The following DPP10 variants were observed in gnomAD, a reference collection of about 807,000 sequenced individuals.
DPP10 encodes inactive dipeptidyl peptidase 10.
DPP10 carries 33 observed loss-of-function variants against 120.9 expected under a neutral mutation model. The observed-to-expected ratio is 0.27, with a 90% CI of 0.21 to 0.37. The LOEUF (loss-of-function observed/expected upper bound fraction) is 0.37, where lower values mean the gene tolerates loss of function less well. Among genes scored for constraint, DPP10 ranks in the 10% least tolerant of loss-of-function variants. The pLI, the probability that DPP10 is intolerant of heterozygous loss-of-function variation, is 1.00. For synonymous variants in DPP10, 337 were observed against 326.1 expected, an observed-to-expected ratio of 1.03 and a Z score of -0.36; for missense variants, 816 against 942.8, an observed-to-expected ratio of 0.87 and a Z score of 1.76.
intron 1 of DPP10, among the ~76,000 whole-genome samples, chr2:115,195,729 C>T (rs114422973): frequency 6.7e-4 from 102 of 152,292 alleles, no homozygotes; most frequent in African/African-American, 2.3e-3. Flanking sequence ...GAATTCTTAA[C>T]AGCTGCCTCT....
intron 5 of DPP10, among the ~76,000 whole-genome samples, chr2:115,601,269 TA>T (rs2083303473): frequency 6.6e-6 from 1 of 152,228 alleles, no homozygotes; most frequent in South Asian, 2.1e-4. Context: ...ATCTGGACTA[TA>T]AAATGTCATT....
At chr2:115,505,343 T>C (rs7579023) in intron 4 of DPP10, among the ~76,000 whole-genome samples, 31,144 of 152,046 alleles carry the variant, frequency 0.2, 4,377 homozygotes, top group African/African-American at 0.39. Flanking sequence ...TGTTTAATTA[T>C]ATGAACTAGA....
At chr2:115,648,720 G>A (rs1355085289) in intron 5 of DPP10, among the ~76,000 whole-genome samples, 2 of 152,108 alleles carry the variant, frequency 1.3e-5, no homozygotes, top group African/African-American at 4.8e-5. Flanking sequence ...ATTATCCCAA[G>A]GGAGGAAGGA....
chr2:115,181,406 G>A (rs938817439), intron 1 of DPP10, among the ~76,000 whole-genome samples: 1 of 152,178 alleles, frequency 6.6e-6, no homozygotes. Context: ...GTTCAAGTGT[G>A]TTGTTTATCT....
chr2:114,592,522 T>C (rs996984699), intron 1 of DPP10, among the ~76,000 whole-genome samples: 5 of 152,084 alleles, frequency 3.3e-5, no homozygotes. Context: ...GTTTCCCAGT[T>C]TTGGGATTTC....
chr2:115,372,526 A>C (rs888376324), intron 3 of DPP10, among the ~76,000 whole-genome samples: 1 of 152,202 alleles, frequency 6.6e-6, no homozygotes, highest in African/African-American at 2.4e-5. Flanking sequence ...TGAGAGCTCA[A>C]CTAGATGAAA....
At chr2:115,694,142 G>T (rs976698265) in intron 7 of DPP10, among the ~76,000 whole-genome samples, 31 of 152,036 alleles carry the variant, frequency 2.0e-4, no homozygotes, top group African/African-American at 7.5e-4. Flanking sequence ...ATTTAAAAAA[G>T]TAAAAGACAT....
At chr2:115,725,592 A>G (rs2092747963) in intron 7 of DPP10, among the ~76,000 whole-genome samples, 1 of 152,192 alleles carries the variant, frequency 6.6e-6, no homozygotes, top group South Asian at 2.1e-4. Context: ...GATAATTTTT[A>G]CATCTGTTGA....
intron 19 of DPP10, among the ~76,000 whole-genome samples, chr2:115,813,538 A>G (rs1297132025): frequency 2.0e-5 from 3 of 152,200 alleles, no homozygotes; most frequent in African/African-American, 7.2e-5. Context: ...TATAGTCACA[A>G]TCTAAGCAAC....
At chr2:115,587,789 C>T (rs1350297415) in intron 5 of DPP10, among the ~76,000 whole-genome samples, 1 of 152,192 alleles carries the variant, frequency 6.6e-6, no homozygotes, top group African/African-American at 2.4e-5. Flanking sequence ...TGTTTGATCA[C>T]ATGTTGTGTC....
rs189841473 is a variant in DPP10 at position 115,380,294 on chromosome 2, T to A, written c.271+36382T>A. Among the ~76,000 whole-genome samples, 572 of 152,324 alleles carry A rather than the reference T, an allele frequency of 3.8e-3. 4 individuals are homozygous for A. The highest frequency in any genetic ancestry group is 0.012 in the African/African-American group (508 of 41,572). The stretch of plus-strand genomic sequence containing the variant: ...GCTCTTCTTGTTGAATTGATCCCTT[T>A]ACCATTATTTAATGGCCTTCTTTGT... On this transcript the variant is annotated intron_variant, in intron 3 of 25. Transcript: ENST00000410059.
chr2:115,472,774 G>C (rs997734103), intron 3 of DPP10, among the ~76,000 whole-genome samples: 5 of 152,180 alleles, frequency 3.3e-5, no homozygotes, highest in African/African-American at 1.2e-4. Context: ...AAATGCTTAT[G>C]GAATTTTGTT....
At chr2:115,769,224 T>C (rs997455127) in intron 13 of DPP10, among the ~76,000 whole-genome samples, 5 of 152,060 alleles carry the variant, frequency 3.3e-5, no homozygotes, top group African/African-American at 1.2e-4. Flanking sequence ...AACTGGGATC[T>C]TCATGAGTGT....
intron 1 of DPP10, among the ~76,000 whole-genome samples, chr2:114,565,213 A>G (rs769212307): frequency 4.6e-5 from 7 of 152,224 alleles, no homozygotes; most frequent in Non-Finnish European, 7.3e-5. Context: ...TTAGTGGACT[A>G]GAGCATTAGC....
intron 1 of DPP10, among the ~76,000 whole-genome samples, chr2:114,684,497 A>G (rs1699239967): frequency 6.6e-6 from 1 of 152,122 alleles, no homozygotes; most frequent in South Asian, 2.1e-4. Flanking sequence ...TGGTTTTACA[A>G]TGCTAGTGTG....
intron 1 of DPP10, among the ~76,000 whole-genome samples, chr2:114,453,310 G>A (rs896043130): frequency 6.6e-6 from 1 of 152,144 alleles, no homozygotes; most frequent in African/African-American, 2.4e-5. Flanking sequence ...CTTTGATCAC[G>A]TTTGAGCAAA....
chr2:114,645,157 T>C (rs1334573064), intron 1 of DPP10, among the ~76,000 whole-genome samples: 1 of 152,214 alleles, frequency 6.6e-6, no homozygotes, highest in Non-Finnish European at 1.5e-5. Flanking sequence ...GATTTTGATC[T>C]GCCAGAGTAC....
intron 1 of DPP10, among the ~76,000 whole-genome samples, chr2:114,750,121 A>T (rs1455274739): frequency 2.6e-5 from 4 of 152,136 alleles, no homozygotes; most frequent in African/African-American, 7.2e-5. Flanking sequence ...AATGGGAAAG[A>T]ATAGGAGAAC....
intron 3 of DPP10, among the ~76,000 whole-genome samples, chr2:115,384,660 A>G (rs1444747644): frequency 5.2e-5 from 7 of 134,800 alleles, no homozygotes; most frequent in African/African-American, 1.5e-4. Flanking sequence ...AAGAAGGAAG[A>G]AGAAGAAGAA....
Sources: gnomAD v4.1 joint callset for allele counts (sites outside exome capture counted in the v4.1 genomes callset) on GRCh38, gnomAD v4.1.1 for gene constraint, MANE v1.5 for transcripts, NCBI Gene and HGNC (gene_info 2026-07-23, HGNC 2026-07-21) for gene names.